The following ITGB8 variants were observed in gnomAD, a reference collection of about 807,000 sequenced individuals.
ITGB8 encodes integrin subunit beta 8, also known as integrin beta-8.
A neutral mutation model predicts 89.5 loss-of-function variants in ITGB8; 30 were observed. That is an observed-to-expected ratio of 0.34 (90% CI 0.25 to 0.45). ITGB8 has a LOEUF of 0.45. Ranked by LOEUF, ITGB8 falls within the 20% of genes least tolerant of loss-of-function variation. ITGB8 has a pLI of 1.00. For synonymous variants in ITGB8, 335 were observed against 320.4 expected, an observed-to-expected ratio of 1.05 and a Z score of -0.49; for missense variants, 836 against 933.3, an observed-to-expected ratio of 0.90 and a Z score of 1.36.
intron 6 of ITGB8, among the ~76,000 whole-genome samples, chr7:20,382,929 A>G (rs961513710): frequency 1.3e-5 from 2 of 152,222 alleles, no homozygotes; most frequent in African/African-American, 4.8e-5. Flanking sequence ...ACGAAATGTA[A>G]TCTTAAAACT....
intron 6 of ITGB8, among the ~76,000 whole-genome samples, chr7:20,386,537 C>T (rs973706240): frequency 6.0e-5 from 9 of 150,056 alleles, no homozygotes; most frequent in African/African-American, 2.0e-4. Flanking sequence ...GGATTACAGG[C>T]GTGAGCCACT....
intron 1 of ITGB8, among the ~76,000 whole-genome samples, chr7:20,363,128 A>C (rs1785565824): frequency 6.6e-6 from 1 of 152,224 alleles, no homozygotes. Context: ...AGAATTCCCA[A>C]GTTAATTACT....
rs1333028605 is a variant in ITGB8, at chr7:20,410,892, G to A, written c.*895G>A. ...TCTTACCTGGTAAACTGAAGGGATT[G>A]TTTGGCCATTTCATTTATCTTATCA... On this transcript the variant is annotated 3_prime_UTR_variant, in exon 14 of 14. Transcript: ENST00000222573. The A allele has an allele frequency of 1.3e-5, 2 of 152,596 alleles. No homozygotes were observed. Among genetic ancestry groups the A allele is most frequent in the Admixed American group, 1.3e-4 (2 of 15,286 alleles). The allele number at this position is 152,596 out of a possible 1,614,324, so 9.5% of individuals were successfully genotyped here.
chr7:20,361,313 A>G (rs1370096988), intron 1 of ITGB8, among the ~76,000 whole-genome samples: 1 of 152,232 alleles, frequency 6.6e-6, no homozygotes, highest in Non-Finnish European at 1.5e-5. Flanking sequence ...AAGTTGGCGA[A>G]AGTCAAATTA....
At chr7:20,356,223 G>T (rs997644135) in intron 1 of ITGB8, among the ~76,000 whole-genome samples, 1 of 152,100 alleles carries the variant, frequency 6.6e-6, no homozygotes, top group African/African-American at 2.4e-5. Flanking sequence ...TTTTGTAGGG[G>T]CCTTTAGGAA....
chr7:20,360,324 C>T (rs996715195), intron 1 of ITGB8, among the ~76,000 whole-genome samples: 1 of 148,102 alleles, frequency 6.8e-6, no homozygotes, highest in Non-Finnish European at 1.5e-5. Context: ...CACAGCTTCC[C>T]TTCCATGAGA....
intron 3 of ITGB8, among the ~76,000 whole-genome samples, chr7:20,378,617 A>AT (rs113114027): frequency 0.019 from 2,883 of 152,262 alleles, 47 homozygotes; most frequent in Non-Finnish European, 0.027. Flanking sequence ...TTTTTTAAAG[A>AT]TACCTTCCCA....
intron 11 of ITGB8, among the ~76,000 whole-genome samples, chr7:20,405,682 A>T (rs542105616): frequency 6.6e-6 from 1 of 152,230 alleles, no homozygotes; most frequent in Admixed American, 6.5e-5. Context: ...AATAAGTGAT[A>T]TATAAATGAA....
At position 20,363,653 on chromosome 7, in the gene ITGB8, A is replaced by T; in HGVS notation, c.144A>T (p.Ala48=). 1 of 1,599,946 alleles carries T rather than the reference A, an allele frequency of 6.3e-7. No homozygotes were observed. Among genetic ancestry groups the T allele is most frequent in the South Asian group, 1.1e-5 (1 of 88,168 alleles). Residue 48 remains alanine (A), a synonymous_variant, in exon 2 of 14, where the codon GCA becomes GCT. Coordinates refer to ENST00000222573, the MANE Select transcript of ITGB8 (RefSeq NM_002214.3). ...GLGQGEDNRC[A]SSNAASCARC... ...TCATTGCAGAAGACAATAGATGTGC[A>T]TCTTCAAATGCAGCATCCTGTGCCA...
intron 1 of ITGB8, among the ~76,000 whole-genome samples, chr7:20,335,636 G>C (rs899125927): frequency 6.6e-5 from 10 of 152,130 alleles, no homozygotes; most frequent in African/African-American, 2.2e-4. Context: ...ATAAGTCCTT[G>C]AAAGAGTTGT....
rs151014289 is a variant in ITGB8 at position 20,404,804 on chromosome 7, C to T, written c.1864C>T (p.Arg622Cys). Residue 622 changes from arginine to cysteine, a missense_variant, in exon 11 of 14, where the codon CGC (arginine) becomes TGC (cysteine). Around this residue, in one of 5 missense-constraint regions of ITGB8, gnomAD observed 422 missense variants for 416.9 expected, o/e 1.01. Coordinates refer to ENST00000222573, the MANE Select transcript of ITGB8 (RefSeq NM_002214.3). The part of the protein sequence containing the change: ...CECTDPRSIG[R>C]FCEHCPTCYT... ...GTGCACCGATCCCAGGAGCATCGGCCGCTTCTGTGAACACTGCCCCACCTG... is the reference window on the plus strand; with the variant it reads ...GTGCACCGATCCCAGGAGCATCGGCTGCTTCTGTGAACACTGCCCCACCTG... 50 of 1,614,036 alleles carry T rather than the reference C, an allele frequency of 3.1e-5. No homozygotes were observed. The highest frequency in any genetic ancestry group is 2.8e-5 in the Non-Finnish European group (33 of 1,180,046).
Position 20,353,651 on chromosome 7 carries a change from C to CTGTGTTTGT in ITGB8, c.128-9986_128-9985insTGTGTTTGT, listed in dbSNP as rs1785183312. ...AGACCAAGTGTAAGAAAACGGTAAT[C>CTGTGTTTGT]GGCCGGGCGCGGTGGCTCACGCCTG... On this transcript the variant is annotated intron_variant, in intron 1 of 13. Transcript: ENST00000222573. Among the ~76,000 whole-genome samples, 93 of 151,662 alleles carry CTGTGTTTGT rather than the reference C, an allele frequency of 6.1e-4. 2 individuals are homozygous for CTGTGTTTGT. Among genetic ancestry groups the CTGTGTTTGT allele is most frequent in the African/African-American group, 2.1e-3 (88 of 41,212 alleles).
chr7:20,404,710 C>T lies in ITGB8; in HGVS notation c.1770C>T (p.Ala590=). 1.2e-5 allele frequency: 20 copies of T among 1,614,124 alleles called. No individual in the cohort carries two copies. Among genetic ancestry groups the T allele is most frequent in the Non-Finnish European group, 1.6e-5 (19 of 1,180,022 alleles). ...GDRCQCPSAA[A]QHCVNSKGQV... ...GATGCCAGTGCCCTTCAGCAGCAGC[C>T]CAGCACTGTGTCAATTCAAAGGGCC... Residue 590 remains alanine, a synonymous_variant, in exon 11 of 14, where the codon GCC becomes GCT. Coordinates refer to ENST00000222573, the MANE Select transcript of ITGB8 (RefSeq NM_002214.3).
In ITGB8 at chr7:20,410,062, T is replaced by G; in HGVS notation, c.*65T>G. 6.5e-7 allele frequency: 1 copy of G among 1,529,804 alleles called. No individual in the cohort carries two copies. Among genetic ancestry groups the G allele is most frequent in the Non-Finnish European group, 8.9e-7 (1 of 1,125,930 alleles). The allele number at this position is 1,529,804 out of a possible 1,614,324, so 94.8% of individuals were successfully genotyped here. A position where few individuals can be genotyped will look rare whatever the true frequency, so the allele number is the denominator to read the frequency against. On this transcript the variant is annotated 3_prime_UTR_variant, in exon 14 of 14. Transcript: ENST00000222573. ...TAATAATTGCTCCTAAAGATTATAA[T>G]TTTAAAAGTCACAGGAGGAGACAAA...
At chr7:20,339,172 CAG>C (rs1434296466) in intron 1 of ITGB8, among the ~76,000 whole-genome samples, 1 of 124,536 alleles carries the variant, frequency 8.0e-6, no homozygotes, top group African/African-American at 3.1e-5. Flanking sequence ...AGCCTGGCGA[CAG>C]AGCGAGACTC....
intron 1 of ITGB8, among the ~76,000 whole-genome samples, chr7:20,343,037 A>G (rs1435762915): frequency 6.6e-6 from 1 of 152,206 alleles, no homozygotes; most frequent in Non-Finnish European, 1.5e-5. Context: ...CAGCTTGCAG[A>G]TCTTCAGTAG....
rs189586709 is a variant in ITGB8 at position 20,391,429 on chromosome 7, A to G, written c.987A>G (p.Ser329=). The G allele has an allele frequency of 1.6e-5, 25 of 1,602,196 alleles. No homozygotes were observed. The African/African-American group carries it at 2.8e-4, about 18-fold the overall frequency. Residue 329 remains serine, a synonymous_variant, in exon 7 of 14, where the codon TCA becomes TCG. Transcript: ENST00000222573. Reference sequence around the variant, plus strand: ...AACACCCCTCACTAGGCCAACTTTCAGAGAAATTAATAGACAACAACATTA... The same window carrying G: ...AACACCCCTCACTAGGCCAACTTTCGGAGAAATTAATAGACAACAACATTA... ...TMEHPSLGQL[S]EKLIDNNINV...
In ITGB8 at chr7:20,368,530, T is replaced by A. The variant is rs143962668; in HGVS notation, c.388+1344T>A. Among the ~76,000 whole-genome samples, 352 of 152,226 alleles carry A rather than the reference T, an allele frequency of 2.3e-3. 3 individuals carry two copies. The highest frequency in any genetic ancestry group is 7.8e-3 in the African/African-American group (323 of 41,552). ...AAGCTGTTAACCATCTTTATCTCTC[T>A]TTTTTGTGTAATTTGTGTCTCCATA... On this transcript the variant is annotated intron_variant, in intron 3 of 13. Transcript: ENST00000222573.
At chr7:20,394,810 T>C in intron 7 of ITGB8, 86 bp from the exon 8 acceptor site, 1 of 935,988 alleles carries the variant, frequency 1.1e-6, no homozygotes, top group African/African-American at 1.6e-5. Flanking sequence ...CTTCAACTGA[T>C]AACTACAAAA....
Sources: gnomAD v4.1 joint callset for allele counts (sites outside exome capture counted in the v4.1 genomes callset) on GRCh38, gnomAD v4.1.1 for gene constraint, gnomAD v4.1.1 regional missense constraint, MANE v1.5 for transcripts, NCBI Gene and HGNC (gene_info 2026-07-23, HGNC 2026-07-21) for gene names.